Variants in PDGFD observed in about 807,000 individuals in gnomAD.
PDGFD encodes the protein platelet derived growth factor D.
In PDGFD, 30 loss-of-function variants were observed where a neutral mutation model predicts 44.7. The ratio of observed to expected loss-of-function variants is 0.67; its 90% confidence interval spans 0.50 to 0.91. The LOEUF (loss-of-function observed/expected upper bound fraction) is 0.91. Ranked by LOEUF, PDGFD falls within the 40% of genes least tolerant of loss-of-function variation. PDGFD has a pLI of 0.00. For missense variants in PDGFD, 445 were observed against 457.8 expected, an observed-to-expected ratio of 0.97 and a Z score of 0.25; for synonymous variants, 173 against 168.4, an observed-to-expected ratio of 1.03 and a Z score of -0.21.
At chr11:103,975,648 A>T (rs1199018304) in intron 3 of PDGFD, among the ~76,000 whole-genome samples, 4 of 152,102 alleles carry the variant, frequency 2.6e-5, no homozygotes, top group Non-Finnish European at 5.9e-5. Flanking sequence ...TAAGTCTTTA[A>T]CCCATCTTGA....
Position 103,927,481 on chromosome 11 carries a change from T to C in PDGFD, c.773-355A>G, listed in dbSNP as rs576701090. On this transcript the variant is annotated intron_variant, in intron 5 of 6. Transcript: ENST00000393158. ...TGCCTTTATCTTCAAAAAGACAAAA[T>C]AAACTGCTTCTTCATTCTAAATAAA... Among the ~76,000 whole-genome samples the C allele has an allele frequency of 5.3e-5, 8 of 152,260 alleles. No individual in the cohort carries two copies. In the South Asian group the frequency reaches 1.7e-3, roughly 32 times the overall value.
intron 1 of PDGFD, among the ~76,000 whole-genome samples, chr11:104,007,445 CATA>C (rs1419316103): frequency 6.6e-6 from 1 of 152,138 alleles, no homozygotes; most frequent in African/African-American, 2.4e-5. Context: ...CTTCTCATAT[CATA>C]ATATTATACA....
intron 1 of PDGFD, among the ~76,000 whole-genome samples, chr11:104,048,900 G>A (rs1400583713): frequency 6.6e-6 from 1 of 152,112 alleles, no homozygotes; most frequent in African/African-American, 2.4e-5. Context: ...CACTTGCCAA[G>A]TGAGTCATTT....
chr11:104,037,957 T>A lies in PDGFD; in HGVS notation c.125-37702A>T. 3 of 1,613,990 alleles carry A rather than the reference T, an allele frequency of 1.9e-6. No homozygotes were observed. The highest frequency in any genetic ancestry group is 1.7e-6 in the Non-Finnish European group (2 of 1,179,972). On this transcript the variant is annotated intron_variant, in intron 1 of 6. Transcript: ENST00000393158. ...TAGGATGGTAAGTGGGCAAGATGAG[T>A]CTTCGGACAAGGAAATTACACATTC...
intron 3 of PDGFD, among the ~76,000 whole-genome samples, chr11:103,990,008 T>C (rs1167788903): frequency 6.6e-6 from 1 of 152,192 alleles, no homozygotes; most frequent in Non-Finnish European, 1.5e-5. Flanking sequence ...TAGTGTCTTA[T>C]TGATACTTTT....
intron 5 of PDGFD, among the ~76,000 whole-genome samples, chr11:103,942,829 T>C (rs957565911): frequency 5.3e-5 from 8 of 152,144 alleles, no homozygotes; most frequent in Non-Finnish European, 7.4e-5. Flanking sequence ...CTCATTCTTC[T>C]TCATTGCTAA....
At position 103,908,389 on chromosome 11, in the gene PDGFD, G is replaced by A. The variant is rs1163695428; in HGVS notation, c.*1305C>T. The A allele has an allele frequency of 6.6e-6, 1 of 152,194 alleles. No individual in the cohort carries two copies. Among genetic ancestry groups the A allele is most frequent in the Non-Finnish European group, 1.5e-5 (1 of 68,026 alleles). 9.4% of individuals were successfully genotyped at this position (152,194 alleles called of 1,614,324 possible). ...AGTAGGACAGCAGGGCCAAACTTGT[G>A]TTACCACAATTGACAACTGGCTTCT... is the stretch of plus-strand genomic sequence containing the variant. On this transcript the variant is annotated 3_prime_UTR_variant, in exon 7 of 7. Transcript: ENST00000393158.
intron 3 of PDGFD, among the ~76,000 whole-genome samples, chr11:103,965,818 T>C (rs1441710407): frequency 6.6e-6 from 1 of 152,012 alleles, no homozygotes; most frequent in Non-Finnish European, 1.5e-5. Flanking sequence ...CTGAGCAAAA[T>C]GGAAAACCCT....
At chr11:103,938,876 A>G (rs1858535591) in intron 5 of PDGFD, among the ~76,000 whole-genome samples, 1 of 152,028 alleles carries the variant, frequency 6.6e-6, no homozygotes, top group South Asian at 2.1e-4. Flanking sequence ...GATATGCGGC[A>G]TTATTTCTGA....
intron 1 of PDGFD, among the ~76,000 whole-genome samples, chr11:104,044,147 A>C (rs565992448): frequency 4.1e-4 from 63 of 152,358 alleles, no homozygotes; most frequent in African/African-American, 1.5e-3. Flanking sequence ...TGAGATACCA[A>C]CCAGAGAGCA....
At chr11:103,998,598 A>C (rs577784428) in intron 2 of PDGFD, among the ~76,000 whole-genome samples, 29 of 152,308 alleles carry the variant, frequency 1.9e-4, no homozygotes, top group African/African-American at 1.7e-4. Context: ...AATAGCAAGG[A>C]AACTGTTTCC....
intron 1 of PDGFD, among the ~76,000 whole-genome samples, chr11:104,014,502 G>GACAA (rs148575111): frequency 2.6e-5 from 4 of 152,114 alleles, no homozygotes; most frequent in Non-Finnish European, 4.4e-5. Context: ...TCTCCAAACA[G>GACAA]ACAAACAAAC....
intron 1 of PDGFD, among the ~76,000 whole-genome samples, chr11:104,001,720 C>A (rs1247519427): frequency 6.6e-6 from 1 of 152,164 alleles, no homozygotes; most frequent in African/African-American, 2.4e-5. Context: ...AGACCTCCAG[C>A]CACAGTCTAT....
intron 3 of PDGFD, among the ~76,000 whole-genome samples, chr11:103,976,537 T>C (rs759394119): frequency 1.3e-5 from 2 of 152,178 alleles, no homozygotes; most frequent in African/African-American, 2.4e-5. Flanking sequence ...TCTTGCCTGA[T>C]TGCCCTGGCC....
intron 1 of PDGFD, among the ~76,000 whole-genome samples, chr11:104,001,051 G>A (rs987566356): frequency 6.6e-6 from 1 of 152,120 alleles, no homozygotes; most frequent in Non-Finnish European, 1.5e-5. Context: ...GATGGGGGTC[G>A]GCCATGCCAG....
At chr11:104,110,092 T>C (rs1232060783) in intron 1 of PDGFD, among the ~76,000 whole-genome samples, 1 of 152,152 alleles carries the variant, frequency 6.6e-6, no homozygotes, top group Non-Finnish European at 1.5e-5. Flanking sequence ...CAAGATAAGA[T>C]GATTCACTTA....
At chr11:104,142,882 G>A (rs561757496) in intron 1 of PDGFD, among the ~76,000 whole-genome samples, 43 of 152,266 alleles carry the variant, frequency 2.8e-4, no homozygotes, top group African/African-American at 9.1e-4. Flanking sequence ...TTTCAAAGCC[G>A]CCTGCATTCA....
chr11:103,988,578 C>T (rs72986893), intron 3 of PDGFD, among the ~76,000 whole-genome samples: 1,636 of 152,214 alleles, frequency 0.011, 20 homozygotes, highest in Non-Finnish European at 0.017. Flanking sequence ...TTAACCGCGC[C>T]CGTGGATACA....
intron 1 of PDGFD, among the ~76,000 whole-genome samples, chr11:104,035,617 T>C (rs928135917): frequency 6.1e-5 from 9 of 148,612 alleles, no homozygotes; most frequent in Middle Eastern, 3.5e-3. Flanking sequence ...TAATATTTAA[T>C]ATTTAAACTC....
Sources: gnomAD v4.1 joint callset for allele counts (sites outside exome capture counted in the v4.1 genomes callset) on GRCh38, gnomAD v4.1.1 for gene constraint, MANE v1.5 for transcripts, NCBI Gene and HGNC (gene_info 2026-07-23, HGNC 2026-07-21) for gene names.